The following DAGLA variants were observed in gnomAD, a reference collection of about 807,000 sequenced individuals.
The protein encoded by DAGLA is diacylglycerol lipase-alpha.
A neutral mutation model predicts 102.6 loss-of-function variants in DAGLA; 22 were observed. The ratio of observed to expected loss-of-function variants is 0.21; its 90% CI spans 0.15 to 0.31. DAGLA has a LOEUF of 0.31. Among genes scored for constraint, DAGLA ranks in the 10% least tolerant of loss-of-function variants. The pLI is 1.00. For missense variants in DAGLA, 927 were observed against 1,446.6 expected, an observed-to-expected ratio of 0.64 and a Z score of 5.83; for synonymous variants, 578 against 628.9, an observed-to-expected ratio of 0.92 and a Z score of 1.21.
Position 61,734,940 on chromosome 11 carries a change from C to T in DAGLA, c.1066C>T (p.Arg356Cys), listed in dbSNP as rs1229271146. 2.5e-6 allele frequency: 4 copies of T among 1,614,090 alleles called. No individual in the cohort carries two copies. The highest frequency in any genetic ancestry group is 1.3e-5 in the African/African-American group (1 of 75,052). The change falls in exon 10 of 20, where the codon CGC (arginine) becomes TGC (cysteine). Residue 356 changes from arginine (R) to cysteine (C), a missense_variant. Coordinates refer to ENST00000257215, the MANE Select transcript of DAGLA (RefSeq NM_006133.3). The surrounding 1 kb of genome is among the most constrained non-coding windows in gnomAD (Gnocchi z 4.2). ...CCGCNAIAIR[R>C]HFLDENMTAV... ...TGGCTGTAATGCCATTGCCATCCGG[C>T]GCCACTTCCTGGACGAGAACATGAC...
At chr11:61,726,632 G>A (rs774183231) in intron 6 of DAGLA, among the ~76,000 whole-genome samples, 28 of 152,238 alleles carry the variant, frequency 1.8e-4, no homozygotes, top group Non-Finnish European at 2.4e-4. Context: ...CCCGCAGCGG[G>A]CAGGGACCTT....
chr11:61,682,135 A>G (rs1300592602), intron 1 of DAGLA, among the ~76,000 whole-genome samples: 5 of 152,216 alleles, frequency 3.3e-5, no homozygotes, highest in Non-Finnish European at 7.3e-5. Flanking sequence ...CTTTGGAGCC[A>G]TATCACTTTA....
At chr11:61,694,485 G>T (rs376450802) in intron 1 of DAGLA, among the ~76,000 whole-genome samples, 1 of 152,198 alleles carries the variant, frequency 6.6e-6, no homozygotes, top group Non-Finnish European at 1.5e-5. Context: ...GCAGAGGGCC[G>T]GGGTGCCTGG....
chr11:61,743,923 C>T lies in DAGLA; in HGVS notation c.2563C>T (p.Pro855Ser), dbSNP rs754999702. 6.2e-6 allele frequency: 10 copies of T among 1,612,146 alleles called. No individual in the cohort carries two copies. The South Asian group carries it at 8.8e-5, about 14-fold the overall frequency. The change falls in exon 20 of 20, where the codon CCC (proline) becomes TCC (serine). Residue 855 changes from proline (P) to serine (S), a missense_variant. By Grantham distance (74) the Pro-to-Ser change is moderately conservative. Transcript: ENST00000257215. ...SLSKHSQDTQ[P>S]LEAALGSGGV... Reference sequence around the variant, plus strand: ...GTCCAAGCACTCACAGGACACGCAGCCCCTGGAGGCGGCCCTGGGCAGTGG... The same window carrying T: ...GTCCAAGCACTCACAGGACACGCAGTCCCTGGAGGCGGCCCTGGGCAGTGG...
chr11:61,701,891 C>T (rs1159186217), intron 1 of DAGLA, among the ~76,000 whole-genome samples: 1 of 152,186 alleles, frequency 6.6e-6, no homozygotes, highest in African/African-American at 2.4e-5. Context: ...CCTCCTGCTT[C>T]AGCCTCCTGA....
At chr11:61,707,690 A>G (rs994257636) in intron 1 of DAGLA, among the ~76,000 whole-genome samples, 2 of 152,210 alleles carry the variant, frequency 1.3e-5, no homozygotes, top group Non-Finnish European at 2.9e-5. Context: ...CAGGCTGTGG[A>G]GGCCATGTCG....
chr11:61,720,127 C>A lies in DAGLA; in HGVS notation c.-29C>A. The A allele has an allele frequency of 1.2e-6, 2 of 1,606,992 alleles. No individual in the cohort carries two copies. Among genetic ancestry groups the A allele is most frequent in the Non-Finnish European group, 8.5e-7 (1 of 1,177,918 alleles). On this transcript the variant is annotated 5_prime_UTR_variant, in exon 2 of 20. Transcript: ENST00000257215. ...TTTCTTTCAGGAGGTGAGCACCAGGCCCACTGAGCCTCTGCAGAGCCACCA... is the reference window on the plus strand; with the variant it reads ...TTTCTTTCAGGAGGTGAGCACCAGGACCACTGAGCCTCTGCAGAGCCACCA...
intron 16 of DAGLA, among the ~76,000 whole-genome samples, chr11:61,738,856 C>T (rs775165425): frequency 1.3e-4 from 20 of 151,996 alleles, no homozygotes; most frequent in African/African-American, 1.7e-4. Context: ...CGGGCGAGCC[C>T]TCAGCCCATT....
chr11:61,724,556 C>T (rs897869654), intron 5 of DAGLA, among the ~76,000 whole-genome samples: 72 of 152,172 alleles, frequency 4.7e-4, no homozygotes, highest in African/African-American at 1.7e-3. Flanking sequence ...GTCTGGACCC[C>T]CGCTGCCCGG....
intron 1 of DAGLA, among the ~76,000 whole-genome samples, chr11:61,682,195 G>T (rs557511730): frequency 6.6e-6 from 1 of 152,260 alleles, no homozygotes; most frequent in African/African-American, 2.4e-5. Flanking sequence ...ACCAATCAAG[G>T]CATGTCACAT....
Position 61,720,797 on chromosome 11 carries a change from G to T in DAGLA, c.214G>T (p.Ala72Ser). The T allele has an allele frequency of 6.2e-7, 1 of 1,613,812 alleles. No homozygotes were observed. Among genetic ancestry groups the T allele is most frequent in the East Asian group, 2.2e-5 (1 of 44,876 alleles). ...GGGCATCCTGCTGAGCTGCATGATCGCTGAGATGGCCATCATCTGGCTGAG... is the reference window on the plus strand; with the variant it reads ...GGGCATCCTGCTGAGCTGCATGATCTCTGAGATGGCCATCATCTGGCTGAG... Reference protein sequence around the residue: ...YLGILLSCMIAEMAIIWLSMR... With the variant: ...YLGILLSCMISEMAIIWLSMR... Residue 72 changes from alanine to serine, a missense_variant, in exon 3 of 20, where the codon GCT becomes TCT. Physicochemically the swap from Ala to Ser is moderately conservative, Grantham distance 99. This residue lies in a region of DAGLA where 231 missense variants were observed against 439.8 expected (regional missense o/e 0.53). Coordinates refer to ENST00000257215, the MANE Select transcript of DAGLA (RefSeq NM_006133.3).
At position 61,743,779 on chromosome 11, in the gene DAGLA, C is replaced by G. The variant is rs763659168; in HGVS notation, c.2419C>G (p.Pro807Ala). The G allele has an allele frequency of 6.2e-7, 1 of 1,612,554 alleles. No individual in the cohort carries two copies. The highest frequency in any genetic ancestry group is 2.2e-5 in the East Asian group (1 of 44,878). The change falls in exon 20 of 20, where the codon CCC becomes GCC. Residue 807 changes from proline (P) to alanine (A), a missense_variant. This residue lies in a region of DAGLA where 434 missense variants were observed against 503.3 expected (regional missense o/e 0.86). Transcript: ENST00000257215. ...AGGCTTCCGCAGCATCCGGGGCTCC[C>G]CCAGCCTCCACGCTGTGCTGGAGCG... Reference protein sequence around the residue: ...SSGFRSIRGSPSLHAVLERDE... With the variant: ...SSGFRSIRGSASLHAVLERDE...
chr11:61,699,841 G>T (rs1591028883), intron 1 of DAGLA, among the ~76,000 whole-genome samples: 1 of 152,206 alleles, frequency 6.6e-6, no homozygotes, highest in Non-Finnish European at 1.5e-5. Flanking sequence ...GGCCCTCCGT[G>T]TTTGCTTTTC....
chr11:61,742,405 C>A (rs2065488285), intron 19 of DAGLA, among the ~76,000 whole-genome samples: 1 of 152,218 alleles, frequency 6.6e-6, no homozygotes, highest in African/African-American at 2.4e-5. Context: ...AGGCTGCTTC[C>A]TGGCCCTTGG....
intron 5 of DAGLA, 62 bp from the exon 6 acceptor site, chr11:61,725,933 G>C: frequency 2.7e-6 from 4 of 1,471,650 alleles, no homozygotes; most frequent in African/African-American, 1.4e-5. Flanking sequence ...CATAACGTCT[G>C]GGTCCCAGCT....
intron 1 of DAGLA, among the ~76,000 whole-genome samples, chr11:61,709,835 C>T (rs948722549): frequency 6.6e-6 from 1 of 152,136 alleles, no homozygotes; most frequent in Non-Finnish European, 1.5e-5. Context: ...GCCCGGGGTA[C>T]AGTCGAAGGG....
At chr11:61,736,403 C>T (rs1413281083) in intron 13 of DAGLA, 53 bp downstream of exon 13, 1 of 1,408,640 alleles carries the variant, frequency 7.1e-7, no homozygotes, top group African/African-American at 1.4e-5. Flanking sequence ...CCCCCTCCTC[C>T]AACGCAGCAC....
intron 6 of DAGLA, 143 bp from the exon 7 acceptor site, chr11:61,728,010 G>A: frequency 2.2e-6 from 2 of 900,012 alleles, no homozygotes; most frequent in Non-Finnish European, 3.5e-6. Context: ...TGGGCGCTGT[G>A]GAGGTGCTGG....
chr11:61,737,805 C>T, intron 15 of DAGLA, 50 bp downstream of exon 15: 1 of 1,487,508 alleles, frequency 6.7e-7, no homozygotes, highest in Non-Finnish European at 9.4e-7. Flanking sequence ...GTTCCTCCCT[C>T]CTCCAGGCCT....
Sources: gnomAD v4.1 joint callset for allele counts (sites outside exome capture counted in the v4.1 genomes callset) on GRCh38, gnomAD v4.1.1 for gene constraint, gnomAD v4.1.1 regional missense constraint, Gnocchi (gnomAD v3.1) non-coding constraint, MANE v1.5 for transcripts, NCBI Gene and HGNC (gene_info 2026-07-23, HGNC 2026-07-21) for gene names.